Variants in CELSR2 observed in about 807,000 individuals in gnomAD.
CELSR2 encodes cadherin EGF LAG seven-pass G-type receptor 2, also known as EGF-like protein 2.
In CELSR2, 81 loss-of-function variants were observed where a neutral mutation model predicts 251.6. The observed-to-expected ratio is 0.32, with a 90% CI of 0.27 to 0.39. CELSR2 has a LOEUF of 0.39. Among genes scored for constraint, CELSR2 ranks in the 10% least tolerant of loss-of-function variants. The probability of loss-of-function intolerance (pLI) is 1.00; values close to 1 mark genes in which losing one functional copy is unlikely to be tolerated. For missense variants in CELSR2, 3,365 were observed against 3,947.7 expected (o/e 0.85, Z 3.96); for synonymous variants, 1,721 against 1,670.5 (o/e 1.03, Z -0.74).
rs1655942487 is a variant in CELSR2, at chr1:109,259,015, C to T, written c.3894C>T (p.Gly1298=). 1.2e-6 allele frequency: 2 copies of T among 1,602,604 alleles called. No homozygotes were observed. The highest frequency in any genetic ancestry group is 2.2e-5 in the East Asian group (1 of 44,720). ...ACCTCTGCTACTCGCGGCCCTGTGG[C>T]CCCCACGGGCGCTGCCGCAGCCGCG... The part of the protein sequence containing the change: ...EVDLCYSRPC[G]PHGRCRSREG... Residue 1298 remains glycine (G), a synonymous_variant, in exon 2 of 34, where the codon GGC becomes GGT. Transcript: ENST00000271332.
At position 109,265,320 on chromosome 1, in the gene CELSR2, C is replaced by A; in HGVS notation, c.5727+9C>A. The A allele has an allele frequency of 6.3e-7, 1 of 1,591,794 alleles. No homozygotes were observed. Among genetic ancestry groups the A allele is most frequent in the South Asian group, 1.2e-5 (1 of 86,432 alleles). ...GCGAGTGCCACTGCAAGGTGACAGC[C>A]CCAAGCAAGCCTCCACTGTGGCCAC... On this transcript the variant is annotated intron_variant, in intron 13 of 33. Coordinates refer to ENST00000271332, the MANE Select transcript of CELSR2 (RefSeq NM_001408.3).
chr1:109,263,394 C>T, intron 8 of CELSR2, 127 bp downstream of exon 8: 1 of 1,430,998 alleles, frequency 7.0e-7, no homozygotes, highest in Non-Finnish European at 9.3e-7. Flanking sequence ...CGTGTCTGGG[C>T]AGAGCCCTGA....
At chr1:109,263,910 A>G in intron 9 of CELSR2, 133 bp downstream of exon 9, 1 of 1,386,992 alleles carries the variant, frequency 7.2e-7, no homozygotes, top group Non-Finnish European at 9.6e-7. Context: ...TCCGTTGGGA[A>G]GGTCAATGCT....
chr1:109,272,581 G>T (rs1452562837), intron 29 of CELSR2, 59 bp from the exon 30 acceptor site: 2 of 1,537,986 alleles, frequency 1.3e-6, no homozygotes, highest in African/African-American at 1.4e-5. Context: ...GGAGAGGAGA[G>T]ACTGGGACCC....
In CELSR2 at chr1:109,250,998, G is replaced by A. The variant is rs760461083; in HGVS notation, c.919G>A (p.Glu307Lys). The change falls in exon 1 of 34, where the codon GAG becomes AAG. Residue 307 changes from glutamate to lysine, a missense_variant. Coordinates refer to ENST00000271332, the MANE Select transcript of CELSR2 (RefSeq NM_001408.3). The surrounding 1 kb of genome is among the most constrained non-coding windows in gnomAD (Gnocchi z 4.4). ...SLRENLEVGY[E>K]VLTVRATDGD... The stretch of plus-strand genomic sequence containing the variant: ...CAGGGAGAACCTGGAGGTTGGCTAT[G>A]AGGTGCTCACTGTCAGGGCCACGGA... 3 of 1,613,600 alleles carry A rather than the reference G, an allele frequency of 1.9e-6. No homozygotes were observed. The Admixed American group carries it at 5.0e-5, about 27-fold the overall frequency.
At position 109,273,183 on chromosome 1, in the gene CELSR2, G is replaced by A; in HGVS notation, c.8356G>A (p.Gly2786Ser). ...STPKDGGPGPGKAPWPGDFGT... is the reference protein window; with the variant it reads ...STPKDGGPGPSKAPWPGDFGT... Reference sequence around the variant, plus strand: ...CCCACCAGATGGGGGCCCAGGGCCTGGCAAGGCCCCCTGGCCAGGAGACTT... The same window carrying A: ...CCCACCAGATGGGGGCCCAGGGCCTAGCAAGGCCCCCTGGCCAGGAGACTT... The change falls in exon 32 of 34, where the codon GGC becomes AGC. Residue 2786 changes from glycine to serine, a missense_variant. Transcript: ENST00000271332. The A allele has an allele frequency of 2.5e-6, 4 of 1,609,282 alleles. No homozygotes were observed. Among genetic ancestry groups the A allele is most frequent in the Non-Finnish European group, 3.4e-6 (4 of 1,178,136 alleles).
At chr1:109,265,602 A>T in intron 13 of CELSR2, 133 bp from the exon 14 acceptor site, 3 of 1,094,340 alleles carry the variant, frequency 2.7e-6, no homozygotes, top group South Asian at 1.6e-5. Context: ...TGCTAGTGTT[A>T]ATTATTTTGA....
At position 109,269,579 on chromosome 1, in the gene CELSR2, A is replaced by G. The variant is rs374556560; in HGVS notation, c.6968A>G (p.Asn2323Ser). Reference sequence around the variant, plus strand: ...ACCAAGCCCATCTGTGTCTTCTGGAACCATTCAATCCTGTGAGCCTGCACT... The same window carrying G: ...ACCAAGCCCATCTGTGTCTTCTGGAGCCATTCAATCCTGTGAGCCTGCACT... The part of the protein sequence containing the change: ...ERTKPICVFW[N>S]HSILVSGTGG... The change falls in exon 21 of 34, where the codon AAC becomes AGC. Residue 2323 changes from asparagine (N) to serine (S), a missense_variant. Asn to Ser is a conservative substitution (Grantham distance 46). Around this residue, in one of 5 missense-constraint regions of CELSR2, gnomAD observed 2,093 missense variants for 2,382.8 expected, o/e 0.88. Transcript: ENST00000271332. The surrounding 1 kb of genome is among the most constrained non-coding windows in gnomAD (Gnocchi z 6.4). 12 of 1,614,084 alleles carry G rather than the reference A, an allele frequency of 7.4e-6. No homozygotes were observed. The highest frequency in any genetic ancestry group is 1.7e-5 in the Admixed American group (1 of 60,028).
chr1:109,258,928 C>T lies in CELSR2; in HGVS notation c.3807C>T (p.Val1269=). The T allele has an allele frequency of 6.2e-7, 1 of 1,612,018 alleles. No individual in the cohort carries two copies. The highest frequency in any genetic ancestry group is 2.2e-5 in the East Asian group (1 of 44,872). The change falls in exon 2 of 34, where the codon GTC becomes GTT. Residue 1269 remains valine, a synonymous_variant. Coordinates refer to ENST00000271332, the MANE Select transcript of CELSR2 (RefSeq NM_001408.3). ...SSVLFRPIHP[V]GGLRCRCPPG... is the part of the protein sequence containing the mutation. ...TGCTCTTCCGGCCCATCCACCCCGT[C>T]GGAGGGCTGCGCTGCCGCTGCCCGC...
At position 109,252,709 on chromosome 1, in the gene CELSR2, G is replaced by A. The variant is rs770965352; in HGVS notation, c.2630G>A (p.Arg877Gln). ...ESTSGIVRTL[R>Q]RLDRENVAQY... is the part of the protein sequence containing the mutation. Reference sequence around the variant, plus strand: ...ACGTCAGGCATCGTGCGAACGCTACGGAGGCTGGATCGAGAGAACGTGGCC... The same window carrying A: ...ACGTCAGGCATCGTGCGAACGCTACAGAGGCTGGATCGAGAGAACGTGGCC... The change falls in exon 1 of 34, where the codon CGG becomes CAG. Residue 877 changes from arginine to glutamine, a missense_variant. Coordinates refer to ENST00000271332, the MANE Select transcript of CELSR2 (RefSeq NM_001408.3). This position sits in a 1 kb window ranked among gnomAD's most constrained non-coding sequence, Gnocchi z 4.8. 9.9e-6 allele frequency: 16 copies of A among 1,613,926 alleles called. No individual in the cohort carries two copies. Among genetic ancestry groups the A allele is most frequent in the Middle Eastern group, 1.6e-4 (1 of 6,084 alleles).
In CELSR2 at chr1:109,271,305, A is replaced by G; in HGVS notation, c.7676+9A>G. On this transcript the variant is annotated intron_variant, in intron 26 of 33. Transcript: ENST00000271332. Reference sequence around the variant, plus strand: ...GAGAAGAAAGGTCCTGTGTGAGTATAGGGTTGGGGTGCCTGGGCCATGGGC... The same window carrying G: ...GAGAAGAAAGGTCCTGTGTGAGTATGGGGTTGGGGTGCCTGGGCCATGGGC... 1 of 1,613,650 alleles carries G rather than the reference A, an allele frequency of 6.2e-7. No individual in the cohort carries two copies. Among genetic ancestry groups the G allele is most frequent in the Non-Finnish European group, 8.5e-7 (1 of 1,179,940 alleles).
In CELSR2 at chr1:109,251,735, C is replaced by T. The variant is rs567619737; in HGVS notation, c.1656C>T (p.Pro552=). 2 of 1,614,150 alleles carry T rather than the reference C, an allele frequency of 1.2e-6. No homozygotes were observed. Among genetic ancestry groups the T allele is most frequent in the Admixed American group, 1.7e-5 (1 of 60,014 alleles). ...TTGCTGGGGTGGGACATGACTTCCC[C>T]TTCACCATCAACAATGGCACAGGCT... ...YRLAGVGHDF[P]FTINNGTGWI... Residue 552 remains proline, a synonymous_variant, in exon 1 of 34, where the codon CCC becomes CCT. Coordinates refer to ENST00000271332, the MANE Select transcript of CELSR2 (RefSeq NM_001408.3). This position sits in a 1 kb window ranked among gnomAD's most constrained non-coding sequence, Gnocchi z 4.9.
At chr1:109,270,381 C>G in intron 23 of CELSR2, 45 bp from the exon 24 acceptor site, 1 of 1,603,886 alleles carries the variant, frequency 6.2e-7, no homozygotes, top group Non-Finnish European at 8.5e-7. Context: ...AGCCTGTGCT[C>G]TGGGCGGGCC....
At position 109,261,447 on chromosome 1, in the gene CELSR2, GT is replaced by G; in HGVS notation, c.4182-65del. 1 of 1,487,344 alleles carries G rather than the reference GT, an allele frequency of 6.7e-7. No homozygotes were observed. The highest frequency in any genetic ancestry group is 1.1e-5 in the South Asian group (1 of 88,416). 92.1% of individuals were successfully genotyped at this position (1,487,344 alleles called of 1,614,324 possible). A position where few individuals can be genotyped will look rare whatever the true frequency, so the allele number is the denominator to read the frequency against. On this transcript the variant is annotated intron_variant, in intron 3 of 33. Transcript: ENST00000271332. The surrounding 1 kb of genome is among the most constrained non-coding windows in gnomAD (Gnocchi z 4.8). ...GATCTCCCTCCCCTGCGCTGGTTAG[GT>G]GGCGGGGGTGCTGGCATCCAGGTGG...
chr1:109,270,467 C>T lies in CELSR2; in HGVS notation c.7350C>T (p.Tyr2450=). ...TVIAILLHFL[Y]LCTFSWALLE... is the part of the protein sequence containing the mutation. Reference sequence around the variant, plus strand: ...TTGCCATCCTGCTGCACTTCCTGTACCTCTGCACCTTTTCCTGGGCTCTGC... The same window carrying T: ...TTGCCATCCTGCTGCACTTCCTGTATCTCTGCACCTTTTCCTGGGCTCTGC... Residue 2450 remains tyrosine, a synonymous_variant, in exon 24 of 34, where the codon TAC becomes TAT. Transcript: ENST00000271332. 6.2e-7 allele frequency: 1 copy of T among 1,614,240 alleles called. No individual in the cohort carries two copies. The highest frequency in any genetic ancestry group is 8.5e-7 in the Non-Finnish European group (1 of 1,180,044).
At chr1:109,267,224 G>A (rs1656224233) in intron 15 of CELSR2, among the ~76,000 whole-genome samples, 1 of 152,076 alleles carries the variant, frequency 6.6e-6, no homozygotes, top group Non-Finnish European at 1.5e-5. Flanking sequence ...CAGGATGGGG[G>A]CTGGCGCTGG....
In CELSR2 at chr1:109,269,324, A is replaced by G. The variant is rs779226775; in HGVS notation, c.6812+34A>G. ...CTAGGGGACAGGTGTGGGTAGGGGT[A>G]TGGGTCGGGCGGTGAGTGCTGAGGC... On this transcript the variant is annotated intron_variant, in intron 20 of 33. Transcript: ENST00000271332. This position sits in a 1 kb window ranked among gnomAD's most constrained non-coding sequence, Gnocchi z 6.4. 3 of 1,611,994 alleles carry G rather than the reference A, an allele frequency of 1.9e-6. No individual in the cohort carries two copies. Among genetic ancestry groups the G allele is most frequent in the South Asian group, 2.2e-5 (2 of 91,000 alleles).
intron 2 of CELSR2, among the ~76,000 whole-genome samples, chr1:109,260,107 G>C (rs1398866901): frequency 6.6e-6 from 1 of 150,870 alleles, no homozygotes; most frequent in African/African-American, 2.4e-5. Flanking sequence ...TGCTGCTAGG[G>C]GTGGGGGGAA....
At position 109,251,510 on chromosome 1, in the gene CELSR2, G is replaced by T. The variant is rs748146968; in HGVS notation, c.1431G>T (p.Gln477His). ...AGTACACCCTACGGGTGCGAGCACA[G>T]GATGGTGGCCGTCCCCCACTCTCTA... ...TKEYTLRVRA[Q>H]DGGRPPLSNV... The change falls in exon 1 of 34, where the codon CAG becomes CAT. Residue 477 changes from glutamine to histidine, a missense_variant. Physicochemically the swap from Gln to His is conservative, Grantham distance 24. This residue lies in a region of CELSR2 where 704 missense variants were observed against 784.1 expected (regional missense o/e 0.90). Transcript: ENST00000271332. The surrounding 1 kb of genome is among the most constrained non-coding windows in gnomAD (Gnocchi z 4.9). 1.9e-6 allele frequency: 3 copies of T among 1,613,760 alleles called. No homozygotes were observed. Among genetic ancestry groups the T allele is most frequent in the Non-Finnish European group, 2.5e-6 (3 of 1,180,032 alleles).
Sources: allele counts gnomAD v4.1 joint callset (sites outside exome capture counted in the v4.1 genomes callset), GRCh38; gene constraint gnomAD v4.1.1; regional missense constraint gnomAD v4.1.1; non-coding constraint Gnocchi (gnomAD v3.1); transcripts MANE v1.5; gene names NCBI Gene and HGNC (gene_info 2026-07-23, HGNC 2026-07-21).